PDZRN3: variants seen among roughly 807,000 people sequenced by gnomAD.
PDZRN3 encodes the protein PDZ domain containing ring finger 3.
A neutral mutation model predicts 85.7 loss-of-function variants in PDZRN3; 38 were observed. The ratio of observed to expected loss-of-function variants is 0.44; its 90% CI spans 0.34 to 0.58. PDZRN3 has a LOEUF of 0.58. Among genes scored for constraint, PDZRN3 ranks in the 20% least tolerant of loss-of-function variants. The pLI, the probability that PDZRN3 is intolerant of heterozygous loss-of-function variation, is 0.01. For synonymous variants in PDZRN3, 759 were observed against 638.0 expected, an observed-to-expected ratio of 1.19 and a Z score of -2.86; for missense variants, 1,629 against 1,506.4, an observed-to-expected ratio of 1.08 and a Z score of -1.35.
intron 3 of PDZRN3, among the ~76,000 whole-genome samples, chr3:73,508,971 T>C (rs748379848): frequency 6.6e-6 from 1 of 152,168 alleles, no homozygotes; most frequent in Non-Finnish European, 1.5e-5. Context: ...AAAACGTCTC[T>C]GCAGCAGCAA....
At chr3:73,472,717 C>T (rs1283421088) in intron 3 of PDZRN3, among the ~76,000 whole-genome samples, 1 of 152,126 alleles carries the variant, frequency 6.6e-6, no homozygotes, top group Non-Finnish European at 1.5e-5. Flanking sequence ...ATTATTAAAC[C>T]TTCAATCTTC....
chr3:73,445,097 A>G (rs1470058009), intron 3 of PDZRN3, among the ~76,000 whole-genome samples: 1 of 152,156 alleles, frequency 6.6e-6, no homozygotes, highest in Non-Finnish European at 1.5e-5. Context: ...AGATAGGGAG[A>G]GCCTAAATCT....
At position 73,397,175 on chromosome 3, in the gene PDZRN3, A is replaced by C. The variant is rs563475765; in HGVS notation, c.1254+3747T>G. On this transcript the variant is annotated intron_variant, in intron 5 of 9. Coordinates refer to ENST00000263666, the MANE Select transcript of PDZRN3 (RefSeq NM_015009.3). The stretch of plus-strand genomic sequence containing the variant: ...CAGCCTCCCGAGTAGCTGGGATTAC[A>C]GGTGTGAGCCACTGCGTCTGGCCAG... Among the ~76,000 whole-genome samples the C allele has an allele frequency of 1.5e-4, 23 of 152,130 alleles. No homozygotes were observed. The South Asian group carries it at 4.8e-3, about 32-fold the overall frequency.
At position 73,551,665 on chromosome 3, in the gene PDZRN3, G is replaced by A. The variant is rs145597228; in HGVS notation, c.918+50689C>T. On this transcript the variant is annotated intron_variant, in intron 3 of 9. Transcript: ENST00000263666. ...GATTGCACCACTGCACTCCAGCCTGGGCAACAGAGTGAGACCCTGTTTCAA... is the reference window on the plus strand; with the variant it reads ...GATTGCACCACTGCACTCCAGCCTGAGCAACAGAGTGAGACCCTGTTTCAA... Among the ~76,000 whole-genome samples the A allele has an allele frequency of 5.9e-3, 870 of 146,648 alleles. 6 individuals carry two copies. Among genetic ancestry groups the A allele is most frequent in the African/African-American group, 0.021 (834 of 39,578 alleles).
chr3:73,470,517 A>T (rs543547625), intron 3 of PDZRN3, among the ~76,000 whole-genome samples: 1 of 152,330 alleles, frequency 6.6e-6, no homozygotes, highest in Non-Finnish European at 1.5e-5. Context: ...AGCTAGTAAG[A>T]GGTGGTGGTA....
At chr3:73,399,474 C>T (rs533701769) in intron 5 of PDZRN3, among the ~76,000 whole-genome samples, 17 of 152,256 alleles carry the variant, frequency 1.1e-4, no homozygotes, top group South Asian at 2.1e-4. Context: ...AAATCTGTTT[C>T]GTTGTCTTCA....
chr3:73,520,444 C>T (rs1704338291), intron 3 of PDZRN3, among the ~76,000 whole-genome samples: 1 of 152,144 alleles, frequency 6.6e-6, no homozygotes, highest in African/African-American at 2.4e-5. Flanking sequence ...GCTAAGGCTG[C>T]AGTGAGCCGA....
At chr3:73,496,042 CA>C (rs1397641926) in intron 3 of PDZRN3, among the ~76,000 whole-genome samples, 4 of 150,308 alleles carry the variant, frequency 2.7e-5, no homozygotes, top group Non-Finnish European at 5.9e-5. Context: ...ATCTGTTCAT[CA>C]AAGTACAGCC....
intron 3 of PDZRN3, among the ~76,000 whole-genome samples, chr3:73,488,892 T>G (rs753415110): frequency 6.6e-6 from 1 of 152,258 alleles, no homozygotes; most frequent in Non-Finnish European, 1.5e-5. Flanking sequence ...GCTGCTGATT[T>G]CCATCCTTGG....
At chr3:73,482,544 G>C (rs1028430197) in intron 3 of PDZRN3, among the ~76,000 whole-genome samples, 1 of 152,120 alleles carries the variant, frequency 6.6e-6, no homozygotes, top group Non-Finnish European at 1.5e-5. Context: ...TGTTATTATT[G>C]TATTTGTTTT....
chr3:73,533,774 G>A (rs773310973), intron 3 of PDZRN3, among the ~76,000 whole-genome samples: 1 of 152,070 alleles, frequency 6.6e-6, no homozygotes, highest in Non-Finnish European at 1.5e-5. Context: ...GTGTGTTACT[G>A]GGTGTTCCAC....
chr3:73,582,179 G>C (rs905924987), intron 3 of PDZRN3, among the ~76,000 whole-genome samples: 2 of 152,166 alleles, frequency 1.3e-5, no homozygotes, highest in African/African-American at 4.8e-5. Flanking sequence ...GCTACGGAAG[G>C]CTTTGTGCTG....
intron 3 of PDZRN3, among the ~76,000 whole-genome samples, chr3:73,459,864 T>A (rs1703068701): frequency 6.6e-6 from 1 of 152,198 alleles, no homozygotes; most frequent in Non-Finnish European, 1.5e-5. Flanking sequence ...GTAAAGAACT[T>A]GCCCAGGTCA....
chr3:73,535,731 T>A (rs1704768411), intron 3 of PDZRN3, among the ~76,000 whole-genome samples: 2 of 152,332 alleles, frequency 1.3e-5, no homozygotes, highest in Middle Eastern at 3.4e-3. Flanking sequence ...TCCTAAACTG[T>A]CATTCTCCAG....
chr3:73,500,588 C>T (rs555364073), intron 3 of PDZRN3, among the ~76,000 whole-genome samples: 5 of 152,278 alleles, frequency 3.3e-5, no homozygotes, highest in South Asian at 4.1e-4. Context: ...CCTTAACATG[C>T]TCTTTTCCTC....
At chr3:73,574,705 C>T (rs751683575) in intron 3 of PDZRN3, among the ~76,000 whole-genome samples, 1 of 152,228 alleles carries the variant, frequency 6.6e-6, no homozygotes, top group African/African-American at 2.4e-5. Flanking sequence ...GTGATTCACC[C>T]GCCTTGGCCT....
intron 3 of PDZRN3, among the ~76,000 whole-genome samples, chr3:73,477,853 G>A (rs1240524058): frequency 6.6e-6 from 1 of 152,142 alleles, no homozygotes; most frequent in African/African-American, 2.4e-5. Context: ...TGAATAAAGA[G>A]CAAAGGCATG....
At chr3:73,434,963 T>C (rs1313053386) in intron 3 of PDZRN3, among the ~76,000 whole-genome samples, 2 of 152,210 alleles carry the variant, frequency 1.3e-5, no homozygotes, top group Admixed American at 6.5e-5. Context: ...CAGGTACCTT[T>C]TTCTCAACGA....
chr3:73,432,250 A>G (rs563193530), intron 3 of PDZRN3, among the ~76,000 whole-genome samples: 1 of 152,242 alleles, frequency 6.6e-6, no homozygotes, highest in Admixed American at 6.5e-5. Context: ...ACCTCACCAC[A>G]TGATCACACA....
Sources: gnomAD v4.1 joint callset for allele counts (sites outside exome capture counted in the v4.1 genomes callset) on GRCh38, gnomAD v4.1.1 for gene constraint, MANE v1.5 for transcripts, NCBI Gene and HGNC (gene_info 2026-07-23, HGNC 2026-07-21) for gene names.